Variants in DDX51 observed in about 807,000 individuals in gnomAD.
DDX51 encodes DEAD-box helicase 51.
DDX51 carries 67 observed loss-of-function variants against 74.6 expected under a neutral mutation model. That is an observed-to-expected ratio of 0.90 (90% CI 0.74 to 1.10). DDX51 has a LOEUF of 1.10. DDX51 is among the 50% of genes least tolerant of loss of function. DDX51 has a pLI of 0.00. For synonymous variants in DDX51, 545 were observed against 402.9 expected (o/e 1.35, Z -4.22); for missense variants, 1,056 against 905.2 (o/e 1.17, Z -2.14).
rs145861289 is a variant in DDX51, at chr12:132,139,713, G to A, written c.1896C>T (p.His632=). The change falls in exon 14 of 15, where the codon CAC becomes CAT. Residue 632 remains histidine, a synonymous_variant. Coordinates refer to ENST00000397333, the MANE Select transcript of DDX51 (RefSeq NM_175066.4). ...GCTGCAGCAGCTTGCTGGAGAGCTC[G>A]TGCCGCTGCAACTCAGGTGCCCCAG... The part of the protein sequence containing the change: ...TEAGAPELQR[H]ELSSKLLQPL... 2,652 of 1,612,994 alleles carry A rather than the reference G, an allele frequency of 1.6e-3. 28 individuals are homozygous for A. In the African/African-American group the frequency reaches 0.031, roughly 19 times the overall value.
Position 132,139,674 on chromosome 12 carries a change from C to G in DDX51, c.1935G>C (p.Arg645=), listed in dbSNP as rs2136673742. The part of the protein sequence containing the change: ...SSKLLQPLVP[R]YEEALSQLEE... ...CCAGCTGGGACAGGGCCTCCTCGTACCGAGGAACCAGCGGCTGCAGCAGCT... is the reference window on the plus strand; with the variant it reads ...CCAGCTGGGACAGGGCCTCCTCGTAGCGAGGAACCAGCGGCTGCAGCAGCT... Residue 645 remains arginine, a synonymous_variant, in exon 14 of 15, where the codon CGG becomes CGC. Transcript: ENST00000397333. The G allele has an allele frequency of 1.9e-6, 3 of 1,613,130 alleles. No homozygotes were observed. Among genetic ancestry groups the G allele is most frequent in the Non-Finnish European group, 2.5e-6 (3 of 1,180,004 alleles).
In DDX51 at chr12:132,139,219, A is replaced by G; in HGVS notation, c.*53T>C. ...GATCCAGTGATCAGCACTGCTCTGG[A>G]AGGAGGGTCAGGGTGGTGAGCGTTC... On this transcript the variant is annotated 3_prime_UTR_variant, in exon 15 of 15. Transcript: ENST00000397333. 3 of 1,593,870 alleles carry G rather than the reference A, an allele frequency of 1.9e-6. No individual in the cohort carries two copies. The Admixed American group carries it at 5.1e-5, about 27-fold the overall frequency.
chr12:132,142,834 G>A lies in DDX51; in HGVS notation c.564C>T (p.Val188=), dbSNP rs545872651. The change falls in exon 3 of 15, where the codon GTC becomes GTT. Residue 188 remains valine, a synonymous_variant. Transcript: ENST00000397333. ...CCAGGTCTTCGGTGACATTCCTTCT[G>A]ACACAGTTAGGCTCAGCCAGCCACC... The part of the protein sequence containing the change: ...LPRWLAEPNC[V]RRNVTEDLVP... 53 of 1,612,976 alleles carry A rather than the reference G, an allele frequency of 3.3e-5. No individual in the cohort carries two copies. In the South Asian group the frequency reaches 5.7e-4, roughly 17 times the overall value.
chr12:132,142,561 G>C, intron 3 of DDX51, 139 bp from the exon 4 acceptor site: 1 of 1,472,156 alleles, frequency 6.8e-7, no homozygotes, highest in East Asian at 2.4e-5. Flanking sequence ...CCAAGGCCCA[G>C]AGGAACGCCA....
chr12:132,141,056 G>A lies in DDX51; in HGVS notation c.1251-36C>T, dbSNP rs1177924676. On this transcript the variant is annotated intron_variant, in intron 8 of 14. Coordinates refer to ENST00000397333, the MANE Select transcript of DDX51 (RefSeq NM_175066.4). ...AGGGGGTGTTGCTGGCACCCTACCAGTGGCTGCCCCGAACCTCCAGGGAAC... is the reference window on the plus strand; with the variant it reads ...AGGGGGTGTTGCTGGCACCCTACCAATGGCTGCCCCGAACCTCCAGGGAAC... 14 of 1,560,752 alleles carry A rather than the reference G, an allele frequency of 9.0e-6. 1 individual carries two copies. The South Asian group carries it at 1.3e-4, about 15-fold the overall frequency.
chr12:132,139,590 AACGCCCTCCCCAG>A (rs1472418565), intron 14 of DDX51, 32 bp downstream of exon 14: 1 of 1,612,762 alleles, frequency 6.2e-7, no homozygotes, highest in Non-Finnish European at 8.5e-7. Context: ...CCTCTCTGCA[AACGCCCTCCCCAG>A]AGGGTTTCAT....
rs777254148 is a variant in DDX51, at chr12:132,139,936, C to T, written c.1776-12G>A. On this transcript the variant is annotated splice_polypyrimidine_tract_variant and intron_variant, in intron 12 of 14. Coordinates refer to ENST00000397333, the MANE Select transcript of DDX51 (RefSeq NM_175066.4). The stretch of plus-strand genomic sequence containing the variant: ...CTGTCCTCCCAACCCTGGAATCAAA[C>T]GCAGCTATCTCCAGACTGGCCCCTG... 57 of 1,612,744 alleles carry T rather than the reference C, an allele frequency of 3.5e-5. No individual in the cohort carries two copies. The highest frequency in any genetic ancestry group is 2.3e-4 in the Admixed American group (14 of 60,000).
In DDX51 at chr12:132,140,551, G is replaced by C; in HGVS notation, c.1557-12C>G. On this transcript the variant is annotated splice_polypyrimidine_tract_variant and intron_variant, in intron 10 of 14. Transcript: ENST00000397333. ...CCAGCAGGAAGAGCCTAGGCAGAGAGAAGGCTGCGGCCAAGTGATGCTGGG... is the reference window on the plus strand; with the variant it reads ...CCAGCAGGAAGAGCCTAGGCAGAGACAAGGCTGCGGCCAAGTGATGCTGGG... The C allele has an allele frequency of 3.1e-6, 5 of 1,612,954 alleles. No individual in the cohort carries two copies. The highest frequency in any genetic ancestry group is 4.2e-6 in the Non-Finnish European group (5 of 1,179,982).
intron 2 of DDX51, chr12:132,143,102 T>A: frequency 1.7e-6 from 1 of 572,926 alleles, no homozygotes; most frequent in South Asian, 2.0e-5. Flanking sequence ...CAACCCACAG[T>A]GGCACCCACC....
chr12:132,144,079 CGCCGCCGGG>C lies in DDX51; in HGVS notation c.209_217del (p.Pro70_Arg72del). The C allele has an allele frequency of 8.1e-7, 1 of 1,239,406 alleles. No homozygotes were observed. The highest frequency in any genetic ancestry group is 1.0e-6 in the Non-Finnish European group (1 of 993,518). 76.8% of individuals were successfully genotyped at this position (1,239,406 alleles called of 1,614,324 possible). ...CGGCTCCGCGTCGTTCACCCGCCGCCGCCGCCGGGGCCGCCGTCGCCTCCTGGTCGCCGG... is the reference window on the plus strand; with the variant it reads ...CGGCTCCGCGTCGTTCACCCGCCGCCGCCGCCGTCGCCTCCTGGTCGCCGG... On this transcript the variant is annotated inframe_deletion, in exon 1 of 15. Coordinates refer to ENST00000397333, the MANE Select transcript of DDX51 (RefSeq NM_175066.4).
intron 12 of DDX51, 87 bp from the exon 13 acceptor site, chr12:132,140,011 C>T: frequency 1.9e-6 from 3 of 1,607,032 alleles, no homozygotes; most frequent in Non-Finnish European, 1.7e-6. Context: ...ACCAACCCCA[C>T]CCCACGCCAG....
rs370296855 is a variant in DDX51, at chr12:132,137,827, C to T, written c.*1445G>A. The T allele has an allele frequency of 6.6e-6, 1 of 152,352 alleles. No homozygotes were observed. Among genetic ancestry groups the T allele is most frequent in the Non-Finnish European group, 1.5e-5 (1 of 68,060 alleles). The allele number at this position is 152,352 out of a possible 1,614,324, so 9.4% of individuals were successfully genotyped here. ...GCCATCACCACACACAACCTAAGAA[C>T]ATTTTCATCATCCCCAAAACAAACC... On this transcript the variant is annotated 3_prime_UTR_variant, in exon 15 of 15. Transcript: ENST00000397333.
At position 132,141,298 on chromosome 12, in the gene DDX51, C is replaced by T; in HGVS notation, c.1227G>A (p.Gln409=). The T allele has an allele frequency of 6.3e-7, 1 of 1,596,540 alleles. No individual in the cohort carries two copies. Among genetic ancestry groups the T allele is most frequent in the African/African-American group, 1.3e-5 (1 of 74,960 alleles). The change falls in exon 8 of 15, where the codon CAG becomes CAA. Residue 409 remains glutamine, a synonymous_variant. Transcript: ENST00000397333. ...ADPCALLQRR[Q]AQAVTAASTC... Reference sequence around the variant, plus strand: ...ACCTGGCGGCTGTCACAGCCTGGGCCTGCCTTCGCTGGAGCAGGGCACAGG... The same window carrying T: ...ACCTGGCGGCTGTCACAGCCTGGGCTTGCCTTCGCTGGAGCAGGGCACAGG...
At position 132,137,028 on chromosome 12, in the gene DDX51, G is replaced by A. The variant is rs1281880183; in HGVS notation, c.*2244C>T. 1 of 152,266 alleles carries A rather than the reference G, an allele frequency of 6.6e-6. No individual in the cohort carries two copies. The highest frequency in any genetic ancestry group is 1.5e-5 in the Non-Finnish European group (1 of 68,106). The allele number at this position is 152,266 out of a possible 1,614,324, so 9.4% of individuals were successfully genotyped here. A position where few individuals can be genotyped will look rare whatever the true frequency, so the allele number is the denominator to read the frequency against. The stretch of plus-strand genomic sequence containing the variant: ...GAGGAGGGATGTCTTGTCCTCCCAG[G>A]GCCCAGGGTTTTAGCTGGGACAAGG... On this transcript the variant is annotated 3_prime_UTR_variant, in exon 15 of 15. Coordinates refer to ENST00000397333, the MANE Select transcript of DDX51 (RefSeq NM_175066.4).
chr12:132,143,925 C>G lies in DDX51; in HGVS notation c.305-16G>C, dbSNP rs1442733336. On this transcript the variant is annotated splice_polypyrimidine_tract_variant and intron_variant, in intron 1 of 14. Transcript: ENST00000397333. ...TCGTTGCTTTCTGCGAGGCAGACAC[C>G]CACCCGGCAGCGCGTCAGCACCGAG... 2.6e-6 allele frequency: 4 copies of G among 1,511,600 alleles called. No homozygotes were observed. In the African/African-American group the frequency reaches 5.8e-5, roughly 22 times the overall value. The allele number at this position is 1,511,600 out of a possible 1,614,324, so 93.6% of individuals were successfully genotyped here.
In DDX51 at chr12:132,142,417, C is replaced by A; in HGVS notation, c.676G>T (p.Ala226Ser). The stretch of plus-strand genomic sequence containing the variant: ...TCCAGGAGGGCAGGAATCACAGCTG[C>A]CTGGACTGGATGAGGAAAGGCGAGA... The part of the protein sequence containing the change: ...HGISSYFPVQ[A>S]AVIPALLESA... The change falls in exon 4 of 15, where the codon GCA becomes TCA. Residue 226 changes from alanine to serine, a missense_variant. By Grantham distance (99) the Ala-to-Ser change is moderately conservative. Coordinates refer to ENST00000397333, the MANE Select transcript of DDX51 (RefSeq NM_175066.4). 6.2e-7 allele frequency: 1 copy of A among 1,611,986 alleles called. No homozygotes were observed.
intron 2 of DDX51, chr12:132,143,494 G>A (rs1284511668): frequency 3.1e-5 from 22 of 702,830 alleles, no homozygotes; most frequent in Admixed American, 6.5e-5. Flanking sequence ...GGAGGACAGG[G>A]GCAAGCCTAG....
rs2136674550 is a variant in DDX51 at position 132,140,219 on chromosome 12, T to C, written c.1674-20A>G. On this transcript the variant is annotated intron_variant, in intron 11 of 14. Transcript: ENST00000397333. ...ATGAGCCTGCCGGGACACGCAGCAT[T>C]GTGGGCCCGACGTGCCAGGAGCAGG... is the stretch of plus-strand genomic sequence containing the variant. 2.5e-6 allele frequency: 4 copies of C among 1,607,144 alleles called. No homozygotes were observed. Among genetic ancestry groups the C allele is most frequent in the South Asian group, 1.1e-5 (1 of 90,706 alleles).
At position 132,140,103 on chromosome 12, in the gene DDX51, C is replaced by T. The variant is rs769032219; in HGVS notation, c.1770G>A (p.Val590=). The T allele has an allele frequency of 1.1e-5, 17 of 1,612,560 alleles. No individual in the cohort carries two copies. Among genetic ancestry groups the T allele is most frequent in the Admixed American group, 1.7e-5 (1 of 59,998 alleles). The part of the protein sequence containing the change: ...YDAPQYLRTY[V]HRVGRTARAG... ...GCCGCTGCGCCAGCGCTCACCGGTG[C>T]ACGTAGGTTCTCAGGTACTGGGGGG... The change falls in exon 12 of 15, where the codon GTG becomes GTA. Residue 590 remains valine, a synonymous_variant. Coordinates refer to ENST00000397333, the MANE Select transcript of DDX51 (RefSeq NM_175066.4).
Sources: gnomAD v4.1 joint callset for allele counts on GRCh38, gnomAD v4.1.1 for gene constraint, MANE v1.5 for transcripts, NCBI Gene and HGNC (gene_info 2026-07-23, HGNC 2026-07-21) for gene names.